FBN1: variants seen among roughly 807,000 people sequenced by gnomAD.
The protein encoded by FBN1 is fibrillin 1.
FBN1 carries 29 observed loss-of-function variants against 365.1 expected under a neutral mutation model. That is an observed-to-expected ratio of 0.08 (90% CI 0.06 to 0.11). FBN1 has a LOEUF of 0.11. Among genes scored for constraint, FBN1 ranks in the 10% least tolerant of loss-of-function variants. The pLI, the probability that FBN1 is intolerant of heterozygous loss-of-function variation, is 1.00. For synonymous variants in FBN1, 1,210 were observed against 1,270.5 expected (o/e 0.95, Z 1.01); for missense variants, 2,476 against 3,703.2 (o/e 0.67, Z 8.60).
intron 8 of FBN1, 149 bp downstream of exon 8, chr15:48,533,931 T>G: frequency 8.3e-7 from 1 of 1,200,422 alleles, no homozygotes. Flanking sequence ...AAAGGCATAT[T>G]ATTACTGTTA....
In FBN1 at chr15:48,421,639, T is replaced by C; in HGVS notation, c.7618A>G (p.Ile2540Val). Residue 2540 changes from isoleucine (I) to valine (V), a missense_variant, in exon 62 of 66, where the codon ATT becomes GTT. Transcript: ENST00000316623. ...SDINLCGSKG[I>V]CQNTPGSFTC... ...AAGCTTCCAGGAGTGTTCTGGCAAA[T>C]GCCCTTAGACCCGCACAGATTGATG... 2 of 1,613,962 alleles carry C rather than the reference T, an allele frequency of 1.2e-6. No homozygotes were observed. The highest frequency in any genetic ancestry group is 1.7e-6 in the Non-Finnish European group (2 of 1,179,980).
In FBN1 at chr15:48,413,075, G is replaced by A. The variant is rs73390281; in HGVS notation, c.8052-332C>T. Among the ~76,000 whole-genome samples, 1,375 of 152,356 alleles carry A rather than the reference G, an allele frequency of 9.0e-3. 22 individuals carry two copies. Among genetic ancestry groups the A allele is most frequent in the African/African-American group, 0.032 (1,339 of 41,578 alleles). On this transcript the variant is annotated intron_variant, in intron 64 of 65. Transcript: ENST00000316623. ...GAGTGGAAACAAGAGAATAGTAGAT[G>A]AGGGAGGCCATGTAACTTGGGAGGC...
At chr15:48,431,229 C>G (rs1274596970) in intron 55 of FBN1, among the ~76,000 whole-genome samples, 1 of 152,024 alleles carries the variant, frequency 6.6e-6, no homozygotes, top group Non-Finnish European at 1.5e-5. Context: ...TCCCAAGTAT[C>G]TGGGATTACA....
At position 48,483,852 on chromosome 15, in the gene FBN1, T is replaced by C. The variant is rs2043484721; in HGVS notation, c.3804A>G (p.Gly1268=). ...TCTTCATGTCTTCAGATGCCATGAA[T>C]CCATCATAACACAAGCACCTGTACT... ...PGEYRCLCYD[G]FMASEDMKTC... Residue 1268 remains glycine (G), a synonymous_variant, in exon 31 of 66, where the codon GGA becomes GGG. Transcript: ENST00000316623. The C allele has an allele frequency of 6.2e-7, 1 of 1,613,688 alleles. No homozygotes were observed. Among genetic ancestry groups the C allele is most frequent in the South Asian group, 1.1e-5 (1 of 91,076 alleles).
intron 15 of FBN1, 119 bp downstream of exon 15, chr15:48,508,460 CCAA>C: frequency 7.2e-7 from 1 of 1,398,148 alleles, no homozygotes; most frequent in Non-Finnish European, 1.0e-6. Flanking sequence ...GTCAGGTTTC[CCAA>C]ACCAAAATTC....
intron 33 of FBN1, 48 bp from the exon 34 acceptor site, chr15:48,474,425 A>C (rs1033238158): frequency 6.2e-7 from 1 of 1,613,218 alleles, no homozygotes; most frequent in Non-Finnish European, 8.5e-7. Flanking sequence ...GTGGTATTTA[A>C]AACCAATAAT....
At position 48,470,692 on chromosome 15, in the gene FBN1, C is replaced by G. The variant is rs747377334; in HGVS notation, c.4401G>C (p.Leu1467=). 1 of 1,614,070 alleles carries G rather than the reference C, an allele frequency of 6.2e-7. No homozygotes were observed. The highest frequency in any genetic ancestry group is 8.5e-7 in the Non-Finnish European group (1 of 1,180,006). The change falls in exon 36 of 66, where the codon CTG becomes CTC. Residue 1467 remains leucine, a synonymous_variant. Transcript: ENST00000316623. ...VFGTCHNLPG[L]FRCECEIGYE... ...AGCCTATCTCACACTCACAGCGGAA[C>G]AGGCCAGGGAGGTTGTGGCAAGTTC...
At chr15:48,465,424 T>C in intron 40 of FBN1, 144 bp downstream of exon 40, 1 of 882,726 alleles carries the variant, frequency 1.1e-6, no homozygotes, top group Non-Finnish European at 1.8e-6. Context: ...AATTGCCACA[T>C]GTGAGACATA....
chr15:48,425,551 T>C, intron 59 of FBN1, 60 bp from the exon 60 acceptor site: 1 of 1,609,580 alleles, frequency 6.2e-7, no homozygotes, highest in Non-Finnish European at 8.5e-7. Flanking sequence ...CACGCTCAAT[T>C]TCCACAGGGT....
In FBN1 at chr15:48,510,155, A is replaced by T. The variant is rs1485432119; in HGVS notation, c.1603T>A (p.Leu535Ile). 2.5e-6 allele frequency: 4 copies of T among 1,613,306 alleles called. No individual in the cohort carries two copies. In the Admixed American group the frequency reaches 6.7e-5, roughly 27 times the overall value. The change falls in exon 14 of 66, where the codon TTA becomes ATA. Residue 535 changes from leucine (L) to isoleucine (I), a missense_variant. Physicochemically the swap from Leu to Ile is conservative, Grantham distance 5. Around this residue, in one of 5 missense-constraint regions of FBN1, gnomAD observed 1,780 missense variants for 2,840.8 expected, o/e 0.63. Transcript: ENST00000316623. ...RTECRDIDEC[L>I]QNGRICNNGR... ...TTATTGCAGATCCGGCCATTCTGTA[A>T]ACACTCATCAATGTCTAAAATCAAA...
intron 2 of FBN1, among the ~76,000 whole-genome samples, chr15:48,617,310 G>A (rs1310504055): frequency 6.6e-6 from 1 of 151,934 alleles, no homozygotes; most frequent in African/African-American, 2.4e-5. Flanking sequence ...GAGTAGCTGG[G>A]GCTACAGGCA....
intron 42 of FBN1, among the ~76,000 whole-genome samples, chr15:48,460,971 T>C (rs1026059670): frequency 1.3e-5 from 2 of 152,210 alleles, no homozygotes; most frequent in Non-Finnish European, 1.5e-5. Flanking sequence ...CTTCTAACTG[T>C]GAGATTTTGT....
At chr15:48,433,800 T>C (rs1016806343) in intron 54 of FBN1, among the ~76,000 whole-genome samples, 1 of 152,226 alleles carries the variant, frequency 6.6e-6, no homozygotes, top group African/African-American at 2.4e-5. Context: ...GGGCATTTGA[T>C]AGATCATATC....
intron 9 of FBN1, among the ~76,000 whole-genome samples, chr15:48,523,395 C>T (rs2043877352): frequency 6.6e-6 from 1 of 152,178 alleles, no homozygotes; most frequent in South Asian, 2.1e-4. Context: ...CAATGGATCA[C>T]AAACTCTTGA....
At chr15:48,529,833 C>T (rs1052042817) in intron 8 of FBN1, 2 of 155,152 alleles carry the variant, frequency 1.3e-5, no homozygotes, top group African/African-American at 4.8e-5. Flanking sequence ...TCACGTACGC[C>T]AGCTTTTATC....
intron 2 of FBN1, among the ~76,000 whole-genome samples, chr15:48,625,216 G>A (rs1235796562): frequency 6.6e-6 from 1 of 152,084 alleles, no homozygotes; most frequent in Non-Finnish European, 1.5e-5. Flanking sequence ...GTTAATAGGT[G>A]GTGGTTTGGT....
intron 32 of FBN1, among the ~76,000 whole-genome samples, chr15:48,480,104 C>T (rs1339996300): frequency 2.6e-5 from 4 of 152,026 alleles, no homozygotes; most frequent in Non-Finnish European, 4.4e-5. Flanking sequence ...AATAATCAGC[C>T]ACTGCACATG....
At chr15:48,434,773 A>T (rs965188119) in intron 53 of FBN1, 60 bp from the exon 54 acceptor site, 57 of 1,593,774 alleles carry the variant, frequency 3.6e-5, no homozygotes, top group Non-Finnish European at 4.8e-5. Context: ...CTTTTATTCT[A>T]TCAGAGGATT....
chr15:48,448,992 A>G (rs2043180366), intron 45 of FBN1, 99 bp from the exon 46 acceptor site: 1 of 995,334 alleles, frequency 1.0e-6, no homozygotes, highest in Admixed American at 1.9e-5. Context: ...CTAGCTCTAA[A>G]CTAAGTTAGT....
Sources: allele counts gnomAD v4.1 joint callset (sites outside exome capture counted in the v4.1 genomes callset), GRCh38; gene constraint gnomAD v4.1.1; regional missense constraint gnomAD v4.1.1; transcripts MANE v1.5; gene names NCBI Gene and HGNC (gene_info 2026-07-23, HGNC 2026-07-21).